DAP3: variants seen among roughly 807,000 people sequenced by gnomAD.
The protein encoded by DAP3 is small ribosomal subunit protein mS29.
In DAP3, 28 loss-of-function variants were observed where a neutral mutation model predicts 51.9. That is an observed-to-expected ratio of 0.54 (90% CI 0.40 to 0.74). The LOEUF (loss-of-function observed/expected upper bound fraction) is 0.74, where lower values mean the gene tolerates loss of function less well. Among genes scored for constraint, DAP3 ranks in the 30% least tolerant of loss-of-function variants. DAP3 has a pLI of 0.00. For synonymous variants in DAP3, 170 were observed against 170.3 expected (o/e 1.00, Z 0.01); for missense variants, 458 against 483.5 (o/e 0.95, Z 0.49).
At position 155,701,005 on chromosome 1, in the gene DAP3, G is replaced by C. The variant is rs1484637080; in HGVS notation, c.-7-8768G>C. ...GCCGCCCCGTCCGGGAGGGAGGTGGGGGGGTCAGCCCCCCGCCCGGCCAGC... is the reference window on the plus strand; with the variant it reads ...GCCGCCCCGTCCGGGAGGGAGGTGGCGGGGTCAGCCCCCCGCCCGGCCAGC... On this transcript the variant is annotated intron_variant, in intron 1 of 12. Coordinates refer to ENST00000368336, the MANE Select transcript of DAP3 (RefSeq NM_004632.4). Among the ~76,000 whole-genome samples the C allele has an allele frequency of 1.4e-4, 17 of 125,244 alleles. No homozygotes were observed. The East Asian group carries it at 1.9e-3, about 14-fold the overall frequency. 82.2% of individuals were successfully genotyped at this position (125,244 alleles called of 152,430 possible).
At chr1:155,711,618 T>A (rs1393976444) in intron 2 of DAP3, among the ~76,000 whole-genome samples, 1 of 151,648 alleles carries the variant, frequency 6.6e-6, no homozygotes, top group African/African-American at 2.4e-5. Flanking sequence ...TCAGGGTGAC[T>A]GTATTAGTCA....
At chr1:155,688,535 C>G (rs1180673749), upstream of DAP3, 61 of 1,543,036 alleles carry the variant, frequency 4.0e-5, no homozygotes, top group Non-Finnish European at 4.7e-5. Context: ...CACCAACCAC[C>G]ACCTTCGGCC....
chr1:155,688,454 A>T (rs1653011796), upstream of DAP3: 1 of 1,548,408 alleles, frequency 6.5e-7, no homozygotes, highest in Non-Finnish European at 8.7e-7. Flanking sequence ...GCTTCGCCCG[A>T]CTCCGGCCAT....
At position 155,738,541 on chromosome 1, in the gene DAP3, G is replaced by C. The variant is rs1169685664; in HGVS notation, c.*299G>C. 3.4e-6 allele frequency: 1 copy of C among 292,198 alleles called. No homozygotes were observed. Among genetic ancestry groups the C allele is most frequent in the Non-Finnish European group, 6.4e-6 (1 of 157,136 alleles). 18.1% of individuals were successfully genotyped at this position (292,198 alleles called of 1,614,324 possible). On this transcript the variant is annotated 3_prime_UTR_variant, in exon 13 of 13. Transcript: ENST00000368336. ...AATATCTTTCTAAAGTGTTGTGTTA[G>C]ATTAATAATATGGAAGGAGTCTTTA...
chr1:155,736,563 C>T (rs531554999), intron 11 of DAP3: 2 of 258,364 alleles, frequency 7.7e-6, no homozygotes, highest in South Asian at 8.6e-5. Flanking sequence ...GCTAGAGGCA[C>T]GCAGCACCAC....
chr1:155,703,631 G>A lies in DAP3; in HGVS notation c.-7-6142G>A, dbSNP rs184523136. ...TGGCTCACGGCAACCTCTGCCTCCC[G>A]GGCTCAAGCAATTCTCCTGCCTCAG... On this transcript the variant is annotated intron_variant, in intron 1 of 12. Transcript: ENST00000368336. 3.8e-4 allele frequency among the ~76,000 whole-genome samples: 58 copies of A among 152,256 alleles called. 1 individual carries two copies. In the East Asian group the frequency reaches 9.6e-3, roughly 25 times the overall value.
At chr1:155,689,455 T>G in intron 1 of DAP3, 3 of 462,108 alleles carry the variant, frequency 6.5e-6, no homozygotes, top group South Asian at 4.6e-5. Flanking sequence ...TACTTCAGCC[T>G]CGTTAGACAG....
chr1:155,718,863 T>G (rs1657661539), intron 3 of DAP3, among the ~76,000 whole-genome samples: 3 of 152,288 alleles, frequency 2.0e-5, no homozygotes, highest in South Asian at 2.1e-4. Context: ...TCTTTGTAAT[T>G]GCAGTCCTTT....
chr1:155,718,231 C>T (rs1657547275), intron 3 of DAP3, among the ~76,000 whole-genome samples: 1 of 152,094 alleles, frequency 6.6e-6, no homozygotes, highest in African/African-American at 2.4e-5. Flanking sequence ...ACTAAAAATA[C>T]TAAAATTAGC....
chr1:155,688,478 C>T (rs1274460986), upstream of DAP3: 1 of 1,549,802 alleles, frequency 6.5e-7, no homozygotes, highest in Middle Eastern at 1.7e-4. Context: ...GCGCGCACGT[C>T]AGCCCGCACG....
chr1:155,736,022 G>A (rs904656736), intron 11 of DAP3, among the ~76,000 whole-genome samples: 1 of 151,784 alleles, frequency 6.6e-6, no homozygotes, highest in African/African-American at 2.4e-5. Context: ...TTGTAATTTA[G>A]TAGAGATGGG....
chr1:155,688,171 C>T, upstream of DAP3: 1 of 1,614,016 alleles, frequency 6.2e-7, no homozygotes, highest in South Asian at 1.1e-5. Context: ...ATCCCTCCCG[C>T]TTGTCAGGAG....
chr1:155,732,080 T>G (rs779851901), intron 11 of DAP3, 47 bp downstream of exon 11: 2 of 1,463,646 alleles, frequency 1.4e-6, no homozygotes, highest in Non-Finnish European at 1.8e-6. Context: ...TTATCCTGTT[T>G]AAAGAAAAAT....
chr1:155,712,222 G>C (rs1271469336), intron 2 of DAP3, among the ~76,000 whole-genome samples: 1 of 152,094 alleles, frequency 6.6e-6, no homozygotes, highest in Non-Finnish European at 1.5e-5. Flanking sequence ...GTTCATTCTG[G>C]AACTGTACAG....
At chr1:155,735,087 AC>A (rs1222932850) in intron 11 of DAP3, among the ~76,000 whole-genome samples, 2 of 148,156 alleles carry the variant, frequency 1.3e-5, no homozygotes, top group Non-Finnish European at 3.0e-5. Context: ...ACATGGTGAA[AC>A]CCCGTCTCTA....
intron 2 of DAP3, 75 bp from the exon 3 acceptor site, chr1:155,716,929 CAA>C (rs773518709): frequency 2.0e-6 from 3 of 1,535,106 alleles, no homozygotes; most frequent in South Asian, 1.3e-5. Context: ...GCTTGGGCAA[CAA>C]GAGAGAAACT....
chr1:155,698,390 A>G (rs976930405), intron 1 of DAP3, among the ~76,000 whole-genome samples: 2 of 152,166 alleles, frequency 1.3e-5, no homozygotes, highest in Admixed American at 6.5e-5. Context: ...AATCTTCACA[A>G]TTTATGTTCT....
At chr1:155,736,452 T>TGTCACCC (rs1462050610) in intron 11 of DAP3, among the ~76,000 whole-genome samples, 1 of 152,158 alleles carries the variant, frequency 6.6e-6, no homozygotes, top group Non-Finnish European at 1.5e-5. Flanking sequence ...GGTCTTACTC[T>TGTCACCC]GTCACCCATA....
In DAP3 at chr1:155,689,396, C is replaced by G. The variant is rs558348400; in HGVS notation, c.-8+222C>G. The G allele has an allele frequency of 8.2e-6, 4 of 487,288 alleles. No homozygotes were observed. The East Asian group carries it at 2.4e-4, about 29-fold the overall frequency. The allele number at this position is 487,288 out of a possible 1,614,324, so 30.2% of individuals were successfully genotyped here. A position where few individuals can be genotyped will look rare whatever the true frequency, so the allele number is the denominator to read the frequency against. On this transcript the variant is annotated intron_variant, in intron 1 of 12. Coordinates refer to ENST00000368336, the MANE Select transcript of DAP3 (RefSeq NM_004632.4). ...GATTTCTCGAATTTCACACCACTGT[C>G]CATATGCGATGATGTTTGTTTGCCC...
Sources: gnomAD v4.1 joint callset for allele counts (sites outside exome capture counted in the v4.1 genomes callset) on GRCh38, gnomAD v4.1.1 for gene constraint, MANE v1.5 for transcripts, NCBI Gene and HGNC (gene_info 2026-07-23, HGNC 2026-07-21) for gene names.